Variants in TSPAN12 observed in about 807,000 individuals in gnomAD.
TSPAN12 encodes the protein tetraspanin 12.
A neutral mutation model predicts 39.2 loss-of-function variants in TSPAN12; 19 were observed. The observed-to-expected ratio is 0.49, with a 90% CI of 0.34 to 0.71. TSPAN12 has a LOEUF of 0.71. TSPAN12 is among the 30% of genes least tolerant of loss of function. The probability of loss-of-function intolerance (pLI) is 0.01; values close to 1 mark genes in which losing one functional copy is unlikely to be tolerated. For missense variants in TSPAN12, 314 were observed against 359.9 expected (o/e 0.87, Z 1.03); for synonymous variants, 119 against 124.8 (o/e 0.95, Z 0.31).
chr7:120,788,707 G>C lies in TSPAN12; in HGVS notation c.803C>G (p.Ser268Cys). 1 of 1,614,128 alleles carries C rather than the reference G, an allele frequency of 6.2e-7. No homozygotes were observed. Among genetic ancestry groups the C allele is most frequent in the Non-Finnish European group, 8.5e-7 (1 of 1,180,012 alleles). ...TACTGAGGGACATGACAGGTGCTGA[G>C]AGTTGTCATTCTTCAAGGACATCAT... Reference protein sequence around the residue: ...DQMMSLKNDNSQHLSCPSVEL... With the variant: ...DQMMSLKNDNCQHLSCPSVEL... Residue 268 changes from serine to cysteine, a missense_variant, in exon 8 of 8, where the codon TCT (serine) becomes TGT (cysteine). By Grantham distance (112) the Ser-to-Cys change is moderately radical. Transcript: ENST00000222747.
intron 4 of TSPAN12, among the ~76,000 whole-genome samples, chr7:120,836,893 AAAATGTGTTTCC>A (rs1794486864): frequency 6.6e-6 from 1 of 152,186 alleles, no homozygotes; most frequent in Admixed American, 6.5e-5. Context: ...AAGAGTTTTC[AAAATGTGTTTCC>A]AAAGCCTTTG....
chr7:120,799,590 A>T (rs1436156871), intron 7 of TSPAN12, among the ~76,000 whole-genome samples: 8 of 115,090 alleles, frequency 7.0e-5, no homozygotes, highest in Non-Finnish European at 9.9e-5. Flanking sequence ...ATATGTAATA[A>T]TATAATTATA....
chr7:120,804,087 C>A (rs979124818), intron 7 of TSPAN12, among the ~76,000 whole-genome samples: 3 of 151,978 alleles, frequency 2.0e-5, no homozygotes, highest in Non-Finnish European at 4.4e-5. Flanking sequence ...ACAAATTATA[C>A]CATAATGTTG....
At chr7:120,821,207 A>T (rs962408024) in intron 4 of TSPAN12, among the ~76,000 whole-genome samples, 1 of 152,086 alleles carries the variant, frequency 6.6e-6, no homozygotes, top group Non-Finnish European at 1.5e-5. Flanking sequence ...TTTTCCACAA[A>T]TAAGTTTTAT....
At chr7:120,800,502 C>T (rs1318535656) in intron 7 of TSPAN12, among the ~76,000 whole-genome samples, 1 of 152,060 alleles carries the variant, frequency 6.6e-6, no homozygotes, top group Non-Finnish European at 1.5e-5. Context: ...TCTGATCACC[C>T]TGGCCTGCCT....
intron 2 of TSPAN12, among the ~76,000 whole-genome samples, chr7:120,846,218 C>G (rs1283293554): frequency 6.6e-6 from 1 of 152,204 alleles, no homozygotes; most frequent in Non-Finnish European, 1.5e-5. Context: ...TCACCTCACA[C>G]CAGGCCTCTC....
chr7:120,844,476 T>C (rs896849709), intron 2 of TSPAN12, among the ~76,000 whole-genome samples: 1 of 152,152 alleles, frequency 6.6e-6, no homozygotes, highest in Non-Finnish European at 1.5e-5. Flanking sequence ...GTTAGTTACT[T>C]CCAATATACA....
chr7:120,825,914 A>T (rs1209862958), intron 4 of TSPAN12, among the ~76,000 whole-genome samples: 1 of 152,112 alleles, frequency 6.6e-6, no homozygotes, highest in African/African-American at 2.4e-5. Flanking sequence ...AATTTTTTTA[A>T]AAAAGTCAAA....
chr7:120,791,283 C>T (rs1265089911), intron 7 of TSPAN12, among the ~76,000 whole-genome samples: 7 of 151,560 alleles, frequency 4.6e-5, no homozygotes, highest in Admixed American at 3.9e-4. Flanking sequence ...GAGCTGAGAT[C>T]GCCCCACTGG....
In TSPAN12 at chr7:120,857,454, G is replaced by T. The variant is rs1036085778; in HGVS notation, c.-71+366C>A. 4.7e-5 allele frequency: 7 copies of T among 150,512 alleles called. 1 individual carries two copies. The highest frequency in any genetic ancestry group is 1.7e-4 in the African/African-American group (7 of 40,458). The allele number at this position is 150,512 out of a possible 1,614,324, so 9.3% of individuals were successfully genotyped here. ...TACTAGGGTTTCTCTGGGAGAACGTGAGAAATGATGTTTTCGGCCCCAGAA... is the reference window on the plus strand; with the variant it reads ...TACTAGGGTTTCTCTGGGAGAACGTTAGAAATGATGTTTTCGGCCCCAGAA... On this transcript the variant is annotated intron_variant, in intron 1 of 7. Transcript: ENST00000222747.
At chr7:120,797,409 C>G (rs772288234) in intron 7 of TSPAN12, among the ~76,000 whole-genome samples, 15 of 152,240 alleles carry the variant, frequency 9.9e-5, no homozygotes, top group Non-Finnish European at 1.9e-4. Flanking sequence ...TGAACTTGTG[C>G]AGCAGAGCTG....
chr7:120,801,097 C>T (rs1167983829), intron 7 of TSPAN12, among the ~76,000 whole-genome samples: 1 of 152,070 alleles, frequency 6.6e-6, no homozygotes, highest in African/African-American at 2.4e-5. Flanking sequence ...CTTATCTTGT[C>T]TTTAACAAGT....
intron 5 of TSPAN12, among the ~76,000 whole-genome samples, chr7:120,814,690 A>G (rs1794046588): frequency 1.3e-5 from 2 of 152,236 alleles, no homozygotes; most frequent in South Asian, 4.1e-4. Flanking sequence ...TGCAAGTGGT[A>G]AGCCAAACAT....
intron 7 of TSPAN12, among the ~76,000 whole-genome samples, chr7:120,793,980 T>C (rs935016422): frequency 9.9e-5 from 15 of 152,222 alleles, no homozygotes; most frequent in Non-Finnish European, 1.6e-4. Context: ...ATGGTGATGA[T>C]TGTACCTCCT....
chr7:120,825,808 AAC>A (rs1367716594), intron 4 of TSPAN12, among the ~76,000 whole-genome samples: 1 of 152,206 alleles, frequency 6.6e-6, no homozygotes, highest in Admixed American at 6.5e-5. Context: ...TGCTGCTGAA[AAC>A]ACATATACAC....
intron 4 of TSPAN12, among the ~76,000 whole-genome samples, chr7:120,829,360 A>G (rs1337128571): frequency 6.6e-6 from 1 of 152,032 alleles, no homozygotes. Flanking sequence ...TTCATTAGAC[A>G]TTGCACATAA....
At position 120,840,122 on chromosome 7, in the gene TSPAN12, A is replaced by G. The variant is rs1309937492; in HGVS notation, c.67-13T>C. The G allele has an allele frequency of 6.2e-7, 1 of 1,602,996 alleles. No homozygotes were observed. Among genetic ancestry groups the G allele is most frequent in the Non-Finnish European group, 8.5e-7 (1 of 1,170,132 alleles). ...TGATGGACATTAACTGGGGAGAAAAAAGTACAAACCGGTTACCAAAGATTT... is the reference window on the plus strand; with the variant it reads ...TGATGGACATTAACTGGGGAGAAAAGAGTACAAACCGGTTACCAAAGATTT... On this transcript the variant is annotated splice_polypyrimidine_tract_variant and intron_variant, in intron 2 of 7. Transcript: ENST00000222747.
rs925998355 is a variant in TSPAN12 at position 120,806,456 on chromosome 7, G to T, written c.612+93C>A. The T allele has an allele frequency of 2.0e-6, 3 of 1,464,316 alleles. No homozygotes were observed. In the African/African-American group the frequency reaches 4.2e-5, roughly 20 times the overall value. The allele number at this position is 1,464,316 out of a possible 1,614,324, so 90.7% of individuals were successfully genotyped here. A position where few individuals can be genotyped will look rare whatever the true frequency, so the allele number is the denominator to read the frequency against. ...TTTTAAGGCCTTTTACATTTAGACA[G>T]AGAAGGAAAATTTCATTGGCATATT... On this transcript the variant is annotated intron_variant, in intron 7 of 7. Coordinates refer to ENST00000222747, the MANE Select transcript of TSPAN12 (RefSeq NM_012338.4).
intron 4 of TSPAN12, among the ~76,000 whole-genome samples, chr7:120,836,488 G>A (rs1794478429): frequency 6.6e-6 from 1 of 152,204 alleles, no homozygotes; most frequent in South Asian, 2.1e-4. Context: ...AAGCAAAGTA[G>A]AGATGGAAAA....
Sources: allele counts gnomAD v4.1 joint callset (sites outside exome capture counted in the v4.1 genomes callset), GRCh38; gene constraint gnomAD v4.1.1; transcripts MANE v1.5; gene names NCBI Gene and HGNC (gene_info 2026-07-23, HGNC 2026-07-21).